Variants in ASPRV1 observed in about 807,000 individuals in gnomAD.
ASPRV1 encodes retroviral-like aspartic protease 1.
ASPRV1 carries 7 observed loss-of-function variants against 11.0 expected under a neutral mutation model. The ratio of observed to expected loss-of-function variants is 0.64; its 90% confidence interval spans 0.36 to 1.20. ASPRV1 has a LOEUF of 1.20. ASPRV1 is among the 50% of genes most tolerant of loss of function. The pLI, the probability that ASPRV1 is intolerant of heterozygous loss-of-function variation, is 0.02. For synonymous variants in ASPRV1, 136 were observed against 138.4 expected (o/e 0.98, Z 0.12); for missense variants, 299 against 320.0 (o/e 0.93, Z 0.50).
downstream of ASPRV1, among the ~76,000 whole-genome samples, chr2:69,958,042 A>G (rs1572874437): frequency 6.6e-6 from 1 of 152,052 alleles, no homozygotes; most frequent in African/African-American, 2.4e-5. Flanking sequence ...TGAACTCCTC[A>G]CCCAGACAGC....
chr2:70,003,141 G>T, the ASPRV1 span: 2 of 152,256 alleles, frequency 1.3e-5, no homozygotes, highest in South Asian at 4.1e-4. Context: ...TTCTCCTTGT[G>T]TATGTGTGAA....
the ASPRV1 span, chr2:69,935,295 G>T: frequency 1.6e-6 from 2 of 1,249,258 alleles, no homozygotes; most frequent in Admixed American, 3.5e-5. Flanking sequence ...TTCTGCCTGG[G>T]GTGCTTCTGG....
rs773693551 is a variant in ASPRV1, at chr2:69,960,998, C to T, written c.439G>A (p.Gly147Ser). 4 of 1,614,024 alleles carry T rather than the reference C, an allele frequency of 2.5e-6. No homozygotes were observed. Among genetic ancestry groups the T allele is most frequent in the Non-Finnish European group, 3.4e-6 (4 of 1,180,008 alleles). ...AAGGGCTGCAGGGTGTCCAGATCGC[C>T]ATCAGTGACCTCCTCCCACAAGTTT... Reference protein sequence around the residue: ...HPNLWEEVTDGDLDTLQPFEN... With the variant: ...HPNLWEEVTDSDLDTLQPFEN... Residue 147 changes from glycine to serine, a missense_variant, in exon 1 of 1, where the codon GGC becomes AGC. Transcript: ENST00000320256.
chr2:70,039,983 AG>A, the ASPRV1 span, among the ~76,000 whole-genome samples: 1 of 152,202 alleles, frequency 6.6e-6, no homozygotes, highest in Admixed American at 6.5e-5. Context: ...AGGTTTGGAA[AG>A]GGAAAGAGAA....
the ASPRV1 span, among the ~76,000 whole-genome samples, chr2:70,013,795 C>CACTT: frequency 1.3e-5 from 2 of 152,176 alleles, no homozygotes; most frequent in African/African-American, 4.8e-5. Flanking sequence ...GCATGAGAAT[C>CACTT]ACTTGAGCCT....
chr2:70,019,860 A>G, the ASPRV1 span, among the ~76,000 whole-genome samples: 1 of 152,216 alleles, frequency 6.6e-6, no homozygotes, highest in South Asian at 2.1e-4. Flanking sequence ...GACTACAGTT[A>G]GTAACAATAT....
chr2:69,968,748 G>A, the ASPRV1 span, among the ~76,000 whole-genome samples: 1 of 152,176 alleles, frequency 6.6e-6, no homozygotes, highest in Non-Finnish European at 1.5e-5. Flanking sequence ...CTCCTGGGCC[G>A]TCTGCATGGG....
chr2:70,044,954 G>A, the ASPRV1 span, among the ~76,000 whole-genome samples: 2 of 152,210 alleles, frequency 1.3e-5, no homozygotes, highest in Non-Finnish European at 2.9e-5. Flanking sequence ...ATTACCAGTG[G>A]TGTTTTGACA....
At chr2:70,068,208 G>A in the ASPRV1 span, among the ~76,000 whole-genome samples, 1 of 152,226 alleles carries the variant, frequency 6.6e-6, no homozygotes, top group Non-Finnish European at 1.5e-5. Flanking sequence ...GTGATCAAGT[G>A]GCCTTGCTGG....
At chr2:70,007,514 G>A in the ASPRV1 span, among the ~76,000 whole-genome samples, 1 of 149,862 alleles carries the variant, frequency 6.7e-6, no homozygotes, top group Admixed American at 6.6e-5. Flanking sequence ...ACGAAACCCT[G>A]CCTCAAAAAA....
the ASPRV1 span, among the ~76,000 whole-genome samples, chr2:69,985,115 C>A: frequency 3.3e-5 from 5 of 152,150 alleles, no homozygotes; most frequent in Non-Finnish European, 7.4e-5. Context: ...CTCGGCCTCC[C>A]GAAGTGCTGG....
At chr2:69,950,429 T>C in the ASPRV1 span, among the ~76,000 whole-genome samples, 2 of 152,268 alleles carry the variant, frequency 1.3e-5, 1 homozygote. Flanking sequence ...GTTTTGTGTC[T>C]GACTTCTTTC....
chr2:70,009,300 T>C, the ASPRV1 span, among the ~76,000 whole-genome samples: 1 of 148,564 alleles, frequency 6.7e-6, no homozygotes, highest in Admixed American at 6.7e-5. Context: ...ACTGCTTATA[T>C]AATTTATTGT....
the ASPRV1 span, among the ~76,000 whole-genome samples, chr2:70,067,554 A>G: frequency 6.6e-6 from 1 of 152,264 alleles, no homozygotes; most frequent in South Asian, 2.1e-4. Context: ...CCAGCACCAA[A>G]AAGAATGAGA....
chr2:70,027,726 T>C, the ASPRV1 span, among the ~76,000 whole-genome samples: 52 of 152,304 alleles, frequency 3.4e-4, no homozygotes, highest in South Asian at 0.011. Context: ...GGTTGGTTAA[T>C]GGTTACAAAC....
the ASPRV1 span, chr2:70,085,784 CTTAA>C: frequency 6.6e-6 from 1 of 152,252 alleles, no homozygotes. Context: ...AAAATGAACA[CTTAA>C]TTGTGGTAAA....
the ASPRV1 span, among the ~76,000 whole-genome samples, chr2:69,999,446 G>C: frequency 6.6e-6 from 1 of 151,980 alleles, no homozygotes; most frequent in African/African-American, 2.4e-5. Context: ...TTGAGCTCAG[G>C]AGTTCAACAC....
the ASPRV1 span, among the ~76,000 whole-genome samples, chr2:70,007,208 G>A: frequency 6.6e-6 from 1 of 152,200 alleles, no homozygotes; most frequent in Non-Finnish European, 1.5e-5. Flanking sequence ...GCCATTGAAA[G>A]AAATGAAGTA....
the ASPRV1 span, among the ~76,000 whole-genome samples, chr2:70,038,034 T>G: frequency 6.6e-6 from 1 of 152,196 alleles, no homozygotes; most frequent in Non-Finnish European, 1.5e-5. Context: ...GTTGGACTAG[T>G]TTTTCATTTG....
Sources: gnomAD v4.1 joint callset for allele counts (sites outside exome capture counted in the v4.1 genomes callset) on GRCh38, gnomAD v4.1.1 for gene constraint, MANE v1.5 for transcripts, NCBI Gene and HGNC (gene_info 2026-07-23, HGNC 2026-07-21) for gene names.